CSMD3: variants seen among roughly 807,000 people sequenced by gnomAD.
The protein encoded by CSMD3 is CUB and Sushi multiple domains 3, also known as CUB and sushi domain-containing protein 3.
In CSMD3, 177 loss-of-function variants were observed where a neutral mutation model predicts 435.2. The observed-to-expected ratio is 0.41, with a 90% CI of 0.36 to 0.46. The LOEUF (loss-of-function observed/expected upper bound fraction) is 0.46, where lower values mean the gene tolerates loss of function less well. Among genes scored for constraint, CSMD3 ranks in the 20% least tolerant of loss-of-function variants. The probability of loss-of-function intolerance (pLI) is 0.34; values close to 1 mark genes in which losing one functional copy is unlikely to be tolerated. For synonymous variants in CSMD3, 1,656 were observed against 1,520.5 expected, an observed-to-expected ratio of 1.09 and a Z score of -2.07; for missense variants, 4,265 against 4,504.6, an observed-to-expected ratio of 0.95 and a Z score of 1.52.
intron 4 of CSMD3, among the ~76,000 whole-genome samples, chr8:113,145,736 AT>A (rs1480750160): frequency 6.6e-6 from 1 of 151,488 alleles, no homozygotes; most frequent in Admixed American, 6.6e-5. Context: ...TTAGATTTCC[AT>A]TTTCTAGATT....
chr8:113,355,582 G>A (rs181461155), intron 1 of CSMD3, among the ~76,000 whole-genome samples: 12 of 151,404 alleles, frequency 7.9e-5, no homozygotes, highest in African/African-American at 2.4e-4. Context: ...CCCAAAGGCC[G>A]CGCTTCCTGG....
At chr8:113,122,804 T>C (rs1315024883) in intron 4 of CSMD3, among the ~76,000 whole-genome samples, 1 of 152,132 alleles carries the variant, frequency 6.6e-6, no homozygotes, top group Non-Finnish European at 1.5e-5. Flanking sequence ...GATAAGTTTT[T>C]GTTGTTTTAA....
In CSMD3 at chr8:112,281,196, A is replaced by G. The variant is rs1013232171; in HGVS notation, c.9486T>C (p.Ser3162=). 1 of 1,613,092 alleles carries G rather than the reference A, an allele frequency of 6.2e-7. No homozygotes were observed. The highest frequency in any genetic ancestry group is 8.5e-7 in the Non-Finnish European group (1 of 1,179,202). Residue 3162 remains serine, a synonymous_variant, in exon 59 of 71, where the codon TCT becomes TCC. Transcript: ENST00000297405. ...TACTTGTACAGTTAGGTAAAGTTCC[A>G]GACCATGTTCCATTGGCTGTGCACT... The part of the protein sequence containing the change: ...VRQCTANGTW[S]GTLPNCTIIS...
At chr8:112,683,166 T>C (rs1040351614) in intron 15 of CSMD3, among the ~76,000 whole-genome samples, 14 of 151,986 alleles carry the variant, frequency 9.2e-5, no homozygotes, top group African/African-American at 3.1e-4. Flanking sequence ...TTTTCTGCCA[T>C]CTGGGAAAAA....
intron 32 of CSMD3, among the ~76,000 whole-genome samples, chr8:112,458,579 G>T (rs1415238955): frequency 6.6e-6 from 1 of 152,054 alleles, no homozygotes; most frequent in African/African-American, 2.4e-5. Context: ...TTTGTCCAAG[G>T]AGTAGTTATT....
chr8:112,447,666 CT>C (rs1349708693), intron 32 of CSMD3, among the ~76,000 whole-genome samples: 1 of 152,110 alleles, frequency 6.6e-6, no homozygotes, highest in African/African-American at 2.4e-5. Context: ...AAAATTCAGT[CT>C]TTGATTTAAT....
At chr8:112,507,908 T>C (rs1822700255) in intron 28 of CSMD3, among the ~76,000 whole-genome samples, 1 of 152,140 alleles carries the variant, frequency 6.6e-6, no homozygotes, top group Admixed American at 6.5e-5. Flanking sequence ...GAATATCTAG[T>C]TGCTCAGACT....
intron 10 of CSMD3, among the ~76,000 whole-genome samples, chr8:112,919,566 C>T (rs1736291975): frequency 6.6e-6 from 1 of 151,758 alleles, no homozygotes; most frequent in Non-Finnish European, 1.5e-5. Flanking sequence ...CTCCTTTTCT[C>T]TGTCATCTAT....
At chr8:113,124,845 T>C (rs1032416759) in intron 4 of CSMD3, among the ~76,000 whole-genome samples, 1 of 152,048 alleles carries the variant, frequency 6.6e-6, no homozygotes, top group Non-Finnish European at 1.5e-5. Flanking sequence ...ATCTCACCTA[T>C]GAAAATAACA....
intron 32 of CSMD3, among the ~76,000 whole-genome samples, chr8:112,449,224 T>C (rs1182695941): frequency 1.3e-5 from 2 of 152,190 alleles, no homozygotes. Flanking sequence ...TAACCCCATC[T>C]TAGCATAGGA....
At chr8:113,179,179 C>T (rs2092389124) in intron 3 of CSMD3, among the ~76,000 whole-genome samples, 1 of 151,088 alleles carries the variant, frequency 6.6e-6, no homozygotes, top group South Asian at 2.1e-4. Context: ...ATGAGAATAC[C>T]AATTTTATAA....
chr8:113,273,142 A>T (rs757656577), intron 3 of CSMD3, among the ~76,000 whole-genome samples: 2 of 151,990 alleles, frequency 1.3e-5, no homozygotes, highest in Admixed American at 1.3e-4. Context: ...TATAATTATT[A>T]TAAAAATTAA....
chr8:113,266,537 T>C (rs1303650828), intron 3 of CSMD3, among the ~76,000 whole-genome samples: 1 of 151,598 alleles, frequency 6.6e-6, no homozygotes, highest in East Asian at 1.9e-4. Context: ...TTTTTTATAG[T>C]AAGTGCTTCG....
chr8:112,890,234 A>G (rs1459658093), intron 10 of CSMD3, among the ~76,000 whole-genome samples: 2 of 151,652 alleles, frequency 1.3e-5, no homozygotes, highest in African/African-American at 4.8e-5. Flanking sequence ...ATGTGGTTAA[A>G]TTGCCACTAT....
At chr8:112,985,860 C>T (rs1025466808) in intron 6 of CSMD3, among the ~76,000 whole-genome samples, 9 of 152,152 alleles carry the variant, frequency 5.9e-5, no homozygotes, top group African/African-American at 2.2e-4. Flanking sequence ...AGGGATCCCA[C>T]TGCTTCTCCA....
chr8:113,296,875 C>T (rs1588462428), intron 2 of CSMD3, among the ~76,000 whole-genome samples: 1 of 152,244 alleles, frequency 6.6e-6, no homozygotes, highest in Middle Eastern at 3.4e-3. Context: ...CAAATATAAA[C>T]TTCCAGAAAA....
At chr8:113,178,272 G>A (rs2092376391) in intron 3 of CSMD3, among the ~76,000 whole-genome samples, 1 of 151,942 alleles carries the variant, frequency 6.6e-6, no homozygotes, top group African/African-American at 2.4e-5. Context: ...GAAAGATTAA[G>A]TAACTTTCCA....
chr8:113,221,613 A>G (rs545007668), intron 3 of CSMD3, among the ~76,000 whole-genome samples: 1 of 151,396 alleles, frequency 6.6e-6, no homozygotes, highest in East Asian at 2.0e-4. Context: ...TTACTACTTT[A>G]TTCTACCATG....
chr8:112,842,385 T>C (rs2080202505), intron 11 of CSMD3, among the ~76,000 whole-genome samples: 1 of 151,786 alleles, frequency 6.6e-6, no homozygotes, highest in African/African-American at 2.4e-5. Flanking sequence ...TATTTCAAGA[T>C]CTGAAATGTA....
Sources: gnomAD v4.1 joint callset for allele counts (sites outside exome capture counted in the v4.1 genomes callset) on GRCh38, gnomAD v4.1.1 for gene constraint, MANE v1.5 for transcripts, NCBI Gene and HGNC (gene_info 2026-07-23, HGNC 2026-07-21) for gene names.